UPF3A: variants seen among roughly 807,000 people sequenced by gnomAD.
UPF3A encodes UPF3A regulator of nonsense mediated mRNA decay.
UPF3A carries 42 observed loss-of-function variants against 53.5 expected under a neutral mutation model. That is an observed-to-expected ratio of 0.78 (90% confidence interval 0.61 to 1.01). The LOEUF (loss-of-function observed/expected upper bound fraction) is 1.01. Ranked by LOEUF, UPF3A falls within the 50% of genes least tolerant of loss-of-function variation. UPF3A has a pLI of 0.00. For missense variants in UPF3A, 575 were observed against 598.0 expected (o/e 0.96, Z 0.40); for synonymous variants, 237 against 225.3 (o/e 1.05, Z -0.47).
chr13:114,294,894 T>C (rs560475144), intron 7 of UPF3A, among the ~76,000 whole-genome samples: 3,130 of 136,368 alleles, frequency 0.023, 38 homozygotes, highest in Non-Finnish European at 0.037. Context: ...GGGCGGATCA[T>C]TAGGTCAGGA....
intron 7 of UPF3A, among the ~76,000 whole-genome samples, chr13:114,294,698 G>A (rs971397361): frequency 6.6e-6 from 1 of 151,778 alleles, no homozygotes; most frequent in East Asian, 1.9e-4. Flanking sequence ...GGTGGCACAC[G>A]CCTGTAGTCC....
chr13:114,286,250 T>A, intron 3 of UPF3A, 52 bp from the exon 4 acceptor site: 1 of 1,601,124 alleles, frequency 6.2e-7, no homozygotes. Context: ...TTTTCCGAAA[T>A]GAATGTAGTA....
At chr13:114,304,480 A>G (rs1222705398) in intron 9 of UPF3A, among the ~76,000 whole-genome samples, 1 of 152,206 alleles carries the variant, frequency 6.6e-6, no homozygotes, top group East Asian at 1.9e-4. Context: ...ACCATCTGTG[A>G]GGGTCCACAT....
intron 5 of UPF3A, among the ~76,000 whole-genome samples, chr13:114,289,439 G>T (rs1271651345): frequency 2.0e-5 from 3 of 150,478 alleles, no homozygotes; most frequent in African/African-American, 7.4e-5. Context: ...CAGGAGAATC[G>T]CTTGAACTCG....
intron 8 of UPF3A, among the ~76,000 whole-genome samples, chr13:114,300,223 C>A (rs1469289318): frequency 6.6e-6 from 1 of 152,158 alleles, no homozygotes; most frequent in Non-Finnish European, 1.5e-5. Flanking sequence ...GATAATTAAT[C>A]TGCCATTATT....
At chr13:114,290,563 G>A (rs1195345034) in intron 5 of UPF3A, among the ~76,000 whole-genome samples, 2 of 152,142 alleles carry the variant, frequency 1.3e-5, no homozygotes, top group Non-Finnish European at 2.9e-5. Flanking sequence ...TGGGGCCTGT[G>A]GGGCCTCTAG....
In UPF3A at chr13:114,287,824, CT is replaced by C. The variant is rs530552913; in HGVS notation, c.631+1202del. Among the ~76,000 whole-genome samples the C allele has an allele frequency of 5.2e-3, 793 of 152,022 alleles. 5 individuals are homozygous for C. Among genetic ancestry groups the C allele is most frequent in the Non-Finnish European group, 6.7e-3 (454 of 67,972 alleles). ...TTTCTTCATTTATCTAGTAATAAAGCTTTTTTTCCCCCCACTCTGTTGCCCA... is the reference window on the plus strand; with the variant it reads ...TTTCTTCATTTATCTAGTAATAAAGCTTTTTTCCCCCCACTCTGTTGCCCA... On this transcript the variant is annotated intron_variant, in intron 5 of 9. Transcript: ENST00000375299.
intron 5 of UPF3A, among the ~76,000 whole-genome samples, chr13:114,287,861 C>T (rs892578792): frequency 5.3e-5 from 8 of 152,144 alleles, no homozygotes; most frequent in East Asian, 3.9e-4. Flanking sequence ...GGCTGGAGTG[C>T]GGTGGCACAA....
intron 1 of UPF3A, 27 bp from the exon 2 acceptor site, chr13:114,281,994 G>A (rs1445431562): frequency 3.9e-6 from 6 of 1,537,688 alleles, no homozygotes; most frequent in Non-Finnish European, 5.2e-6. Context: ...CTCCGCCCCG[G>A]TGGGAACGGC....
At chr13:114,295,004 T>C (rs564316928) in intron 7 of UPF3A, among the ~76,000 whole-genome samples, 10 of 145,678 alleles carry the variant, frequency 6.9e-5, no homozygotes, top group East Asian at 6.1e-4. Context: ...CCCAGCTACT[T>C]GGAAGGCTGA....
At position 114,291,708 on chromosome 13, in the gene UPF3A, AAG is replaced by A. The variant is rs2085284868; in HGVS notation, c.764_765del (p.Arg255LysfsTer15). On this transcript the variant is annotated frameshift_variant, in exon 7 of 10. Transcript: ENST00000375299. LOFTEE classifies it high-confidence loss of function. ...AGAAACGTTTGCGGGAAGAGGAAAA[AAG>A]AAGAAGAAGAGAAGAAGAAAGATGC... The part of the protein sequence containing the change: ...EKKRLREEEK[R>X]RRREEERCKK... 3 of 1,594,766 alleles carry A rather than the reference AAG, an allele frequency of 1.9e-6. No homozygotes were observed. The highest frequency in any genetic ancestry group is 2.2e-5 in the East Asian group (1 of 44,614).
chr13:114,281,814 C>T lies in UPF3A; in HGVS notation c.175C>T (p.Pro59Ser), dbSNP rs1309084759. Reference sequence around the variant, plus strand: ...CGGTTGCGGGGGCGGTGCGGGCAAACCTCGCGAGGAGAAGAGGACGGCCCT... The same window carrying T: ...CGGTTGCGGGGGCGGTGCGGGCAAATCTCGCGAGGAGAAGAGGACGGCCCT... ...SSGCGGGAGK[P>S]REEKRTALSK... Residue 59 changes from proline to serine, a missense_variant, in exon 1 of 10, where the codon CCT (proline) becomes TCT (serine). Coordinates refer to ENST00000375299, the MANE Select transcript of UPF3A (RefSeq NM_023011.4). The T allele has an allele frequency of 1.3e-6, 2 of 1,546,754 alleles. No homozygotes were observed. Among genetic ancestry groups the T allele is most frequent in the Non-Finnish European group, 8.7e-7 (1 of 1,144,574 alleles).
intron 8 of UPF3A, among the ~76,000 whole-genome samples, chr13:114,300,596 A>G (rs1249679984): frequency 3.3e-5 from 5 of 151,174 alleles, no homozygotes; most frequent in Middle Eastern, 3.4e-3. Flanking sequence ...TTGGAGTGCA[A>G]TGGTGCGATC....
intron 3 of UPF3A, chr13:114,283,580 A>G (rs754513140): frequency 5.2e-5 from 10 of 193,306 alleles, no homozygotes; most frequent in Non-Finnish European, 8.5e-5. Flanking sequence ...TTTACCTGAT[A>G]GGAATTTTCC....
Position 114,299,051 on chromosome 13 carries a change from G to A in UPF3A, c.1007+51G>A, listed in dbSNP as rs148163540. The A allele has an allele frequency of 2.9e-5, 44 of 1,512,172 alleles. No homozygotes were observed. In the Admixed American group the frequency reaches 6.8e-4, roughly 23 times the overall value. The allele number at this position is 1,512,172 out of a possible 1,614,324, so 93.7% of individuals were successfully genotyped here. On this transcript the variant is annotated intron_variant, in intron 8 of 9. Coordinates refer to ENST00000375299, the MANE Select transcript of UPF3A (RefSeq NM_023011.4). ...CACGTCAGCTCCCAGTCATGGTGAC[G>A]TAGGCTTTGTCAGTATGAGTATGCC...
intron 1 of UPF3A, 30 bp downstream of exon 1, chr13:114,281,876 C>T: frequency 2.1e-6 from 3 of 1,415,144 alleles, no homozygotes; most frequent in Non-Finnish European, 2.8e-6. Context: ...GCGCAAACCT[C>T]GCGAGGAGAG....
intron 7 of UPF3A, 104 bp downstream of exon 7, chr13:114,291,896 A>G: frequency 7.5e-7 from 1 of 1,339,046 alleles, no homozygotes; most frequent in South Asian, 1.5e-5. Flanking sequence ...ATTCTGAATT[A>G]ATCTAATATT....
chr13:114,293,655 C>T (rs2085534795), intron 7 of UPF3A, among the ~76,000 whole-genome samples: 1 of 151,944 alleles, frequency 6.6e-6, no homozygotes, highest in South Asian at 2.1e-4. Flanking sequence ...TAGATTTGAA[C>T]CTAAGGTATC....
chr13:114,281,628 G>A lies in UPF3A; in HGVS notation c.-12G>A, dbSNP rs2084007835. On this transcript the variant is annotated 5_prime_UTR_variant, in exon 1 of 10. Transcript: ENST00000375299. ...CGGGGGCTGGCGGCTGCGGCTCGGC[G>A]GAGAGTGCGGCATGCGCTCGGAAAA... 5 of 1,427,822 alleles carry A rather than the reference G, an allele frequency of 3.5e-6. No individual in the cohort carries two copies. The highest frequency in any genetic ancestry group is 5.3e-5 in the Admixed American group (2 of 37,614). The allele number at this position is 1,427,822 out of a possible 1,614,324, so 88.4% of individuals were successfully genotyped here.
Sources: gnomAD v4.1 joint callset for allele counts (sites outside exome capture counted in the v4.1 genomes callset) on GRCh38, gnomAD v4.1.1 for gene constraint, MANE v1.5 for transcripts, NCBI Gene and HGNC (gene_info 2026-07-23, HGNC 2026-07-21) for gene names.